Variants in MICU2 observed in about 807,000 individuals in gnomAD.
MICU2 encodes calcium uptake protein 2, mitochondrial.
In MICU2, 64 loss-of-function variants were observed where a neutral mutation model predicts 60.4. The observed-to-expected ratio is 1.06, with a 90% CI of 0.87 to 1.31. The LOEUF (loss-of-function observed/expected upper bound fraction) is 1.31. MICU2 is among the 50% of genes most tolerant of loss of function. MICU2 has a pLI of 0.00. For synonymous variants in MICU2, 201 were observed against 175.0 expected (o/e 1.15, Z -1.17); for missense variants, 569 against 531.0 (o/e 1.07, Z -0.70).
At chr13:21,551,879 T>C (rs1037443828) in intron 2 of MICU2, among the ~76,000 whole-genome samples, 3 of 152,092 alleles carry the variant, frequency 2.0e-5, no homozygotes, top group Non-Finnish European at 4.4e-5. Flanking sequence ...TTGCGAATAG[T>C]GCCGCAGTAA....
chr13:21,544,149 A>T (rs1431382305), intron 2 of MICU2, among the ~76,000 whole-genome samples: 1 of 152,188 alleles, frequency 6.6e-6, no homozygotes, highest in African/African-American at 2.4e-5. Flanking sequence ...CTCACCTTAT[A>T]TAAAAATCAA....
chr13:21,501,514 G>C (rs936056060), intron 9 of MICU2, among the ~76,000 whole-genome samples: 2 of 152,100 alleles, frequency 1.3e-5, no homozygotes, highest in African/African-American at 4.8e-5. Flanking sequence ...TGCCCGCCTT[G>C]GCCTCCCAAA....
intron 9 of MICU2, among the ~76,000 whole-genome samples, chr13:21,501,025 TAATG>T (rs1886138752): frequency 6.6e-6 from 1 of 152,198 alleles, no homozygotes; most frequent in South Asian, 2.1e-4. Flanking sequence ...TATTTTAGAG[TAATG>T]AATGGTGTAA....
At chr13:21,575,712 AGAGT>A (rs1265703751) in intron 1 of MICU2, among the ~76,000 whole-genome samples, 1 of 132,338 alleles carries the variant, frequency 7.6e-6, no homozygotes, top group African/African-American at 2.9e-5. Context: ...CCTGAGCGAC[AGAGT>A]GAGACTCTGT....
chr13:21,523,139 T>C (rs1886761170), intron 4 of MICU2, among the ~76,000 whole-genome samples: 1 of 152,222 alleles, frequency 6.6e-6, no homozygotes, highest in Admixed American at 6.5e-5. Context: ...TTGACTCCCC[T>C]GGTTCTCAGG....
At position 21,566,725 on chromosome 13, in the gene MICU2, A is replaced by C. The variant is rs1029984377; in HGVS notation, c.358+72T>G. The C allele has an allele frequency of 5.6e-6, 7 of 1,260,640 alleles. No homozygotes were observed. The African/African-American group carries it at 7.6e-5, about 14-fold the overall frequency. The allele number at this position is 1,260,640 out of a possible 1,614,324, so 78.1% of individuals were successfully genotyped here. ...ATTAAAATGAAGAAAAGCTGTTATC[A>C]ATCCTGAAAAACAGGTTTTTCAGCC... On this transcript the variant is annotated intron_variant, in intron 2 of 11. Transcript: ENST00000382374.
chr13:21,567,459 A>C (rs1168193959), intron 1 of MICU2, among the ~76,000 whole-genome samples: 1 of 152,210 alleles, frequency 6.6e-6, no homozygotes, highest in East Asian at 1.9e-4. Flanking sequence ...TGAGGAAAGA[A>C]GAGAGTGGCA....
intron 9 of MICU2, among the ~76,000 whole-genome samples, chr13:21,499,718 C>T (rs970895702): frequency 5.3e-5 from 8 of 151,674 alleles, no homozygotes; most frequent in African/African-American, 1.5e-4. Context: ...CTGGGTCTCA[C>T]GTTTCTGTAC....
chr13:21,574,531 T>G (rs1888181135), intron 1 of MICU2, among the ~76,000 whole-genome samples: 1 of 152,250 alleles, frequency 6.6e-6, no homozygotes, highest in South Asian at 2.1e-4. Context: ...CAACAGGTGC[T>G]TCACCACTCT....
intron 1 of MICU2, among the ~76,000 whole-genome samples, chr13:21,594,579 G>A (rs878993250): frequency 3.3e-5 from 5 of 152,110 alleles, no homozygotes; most frequent in Non-Finnish European, 2.9e-5. Context: ...ACATGCACAC[G>A]TATGTTTACT....
At chr13:21,522,743 A>C in intron 4 of MICU2, 93 bp from the exon 5 acceptor site, 1 of 928,990 alleles carries the variant, frequency 1.1e-6, no homozygotes, top group South Asian at 2.0e-5. Flanking sequence ...ATTAAAAAAC[A>C]ATTTTACTTT....
chr13:21,513,801 G>A (rs961984409), intron 7 of MICU2, among the ~76,000 whole-genome samples: 3 of 146,158 alleles, frequency 2.1e-5, no homozygotes, highest in African/African-American at 7.5e-5. Flanking sequence ...AAAGAAGAGT[G>A]TGGAACAATG....
intron 9 of MICU2, among the ~76,000 whole-genome samples, chr13:21,502,361 A>C (rs80184951): frequency 0.048 from 7,309 of 152,232 alleles, 581 homozygotes; most frequent in African/African-American, 0.17. Flanking sequence ...ACCACTGTAC[A>C]TGAATAATTA....
At chr13:21,555,748 C>T (rs145612559) in intron 2 of MICU2, among the ~76,000 whole-genome samples, 2 of 152,056 alleles carry the variant, frequency 1.3e-5, no homozygotes, top group African/African-American at 4.8e-5. Flanking sequence ...ACCTTCCCCC[C>T]CTCTTCACTC....
At chr13:21,579,943 G>T (rs1175720983) in intron 1 of MICU2, among the ~76,000 whole-genome samples, 1 of 152,050 alleles carries the variant, frequency 6.6e-6, no homozygotes, top group African/African-American at 2.4e-5. Context: ...GGTTTTTTTG[G>T]TTATTTTTCT....
At chr13:21,584,086 A>C (rs1375183547) in intron 1 of MICU2, among the ~76,000 whole-genome samples, 1 of 152,178 alleles carries the variant, frequency 6.6e-6, no homozygotes, top group South Asian at 2.1e-4. Flanking sequence ...CATTTTGCCT[A>C]ATTTTAAAAA....
At chr13:21,556,065 ATCTC>A (rs146764588) in intron 2 of MICU2, among the ~76,000 whole-genome samples, 1 of 152,028 alleles carries the variant, frequency 6.6e-6, no homozygotes, top group African/African-American at 2.4e-5. Context: ...CTACTGCTTC[ATCTC>A]TCTCTTTCTC....
At chr13:21,516,892 C>T (rs547849940) in intron 6 of MICU2, among the ~76,000 whole-genome samples, 1 of 152,160 alleles carries the variant, frequency 6.6e-6, no homozygotes, top group Non-Finnish European at 1.5e-5. Context: ...AAAGGACCAC[C>T]TAAGGAGCAA....
At chr13:21,500,417 ATTTTTTTTTTT>A (rs10608018) in intron 9 of MICU2, among the ~76,000 whole-genome samples, 5 of 124,960 alleles carry the variant, frequency 4.0e-5, no homozygotes, top group African/African-American at 1.2e-4. Context: ...ATACCTACTG[ATTTTTTTTTTT>A]TTTTTTTTTT....
Sources: allele counts gnomAD v4.1 joint callset (sites outside exome capture counted in the v4.1 genomes callset), GRCh38; gene constraint gnomAD v4.1.1; transcripts MANE v1.5; gene names NCBI Gene and HGNC (gene_info 2026-07-23, HGNC 2026-07-21).